Variants in INTS9 observed in about 807,000 individuals in gnomAD.
The protein encoded by INTS9 is protein related to CPSF subunits of 74 kDa.
INTS9 carries 55 observed loss-of-function variants against 79.7 expected under a neutral mutation model. That is an observed-to-expected ratio of 0.69 (90% CI 0.56 to 0.86). The LOEUF (loss-of-function observed/expected upper bound fraction) is 0.86, where lower values mean the gene tolerates loss of function less well. Ranked by LOEUF, INTS9 falls within the 40% of genes least tolerant of loss-of-function variation. The pLI, the probability that INTS9 is intolerant of heterozygous loss-of-function variation, is 0.00. For missense variants in INTS9, 721 were observed against 831.5 expected, an observed-to-expected ratio of 0.87 and a Z score of 1.64; for synonymous variants, 319 against 325.2, an observed-to-expected ratio of 0.98 and a Z score of 0.20.
intron 1 of INTS9, among the ~76,000 whole-genome samples, chr8:28,865,259 T>A (rs4732889): frequency 0.47 from 71,580 of 151,054 alleles, 17,770 homozygotes; most frequent in Non-Finnish European, 0.56. Flanking sequence ...AATTTTATTT[T>A]AAAAAAAACA....
Position 28,846,984 on chromosome 8 carries a change from G to T in INTS9, c.199-175C>A, listed in dbSNP as rs9772067. Among the ~76,000 whole-genome samples, 1,170 of 152,286 alleles carry T rather than the reference G, an allele frequency of 7.7e-3. 17 individuals carry two copies. The highest frequency in any genetic ancestry group is 0.027 in the African/African-American group (1,123 of 41,548). ...ATGTTTAGGCTTAGGCAGGCCAAGT[G>T]TCTTATTAAGGGTAAAATGCTGTTT... On this transcript the variant is annotated intron_variant, in intron 3 of 16. Coordinates refer to ENST00000521022, the MANE Select transcript of INTS9 (RefSeq NM_018250.4).
intron 4 of INTS9, among the ~76,000 whole-genome samples, chr8:28,845,240 A>G (rs1345134922): frequency 6.6e-6 from 1 of 152,232 alleles, no homozygotes; most frequent in African/African-American, 2.4e-5. Context: ...ACTAGTTTGT[A>G]AATTTCATGA....
In INTS9 at chr8:28,859,519, T is replaced by C; in HGVS notation, c.54A>G (p.Lys18=). The C allele has an allele frequency of 1.2e-6, 2 of 1,614,138 alleles. No homozygotes were observed. The highest frequency in any genetic ancestry group is 1.1e-5 in the South Asian group (1 of 91,086). The part of the protein sequence containing the change: ...GHPTLPCNVL[K]FKSTTIMLDC... ...CCAACATAATGGTGGTTGATTTGAA[T>C]TTGAGCACATTGCATGGTAAGGTTG... The change falls in exon 2 of 17, where the codon AAA becomes AAG. Residue 18 remains lysine (K), a synonymous_variant. Transcript: ENST00000521022.
At chr8:28,816,155 A>G (rs138553086) in intron 6 of INTS9, among the ~76,000 whole-genome samples, 3 of 151,724 alleles carry the variant, frequency 2.0e-5, no homozygotes, top group Admixed American at 2.0e-4. Flanking sequence ...TTTTTTAAAA[A>G]TTTTATTATT....
chr8:28,876,557 A>C (rs1183233526), intron 1 of INTS9, among the ~76,000 whole-genome samples: 2 of 152,222 alleles, frequency 1.3e-5, no homozygotes, highest in Non-Finnish European at 2.9e-5. Flanking sequence ...AGTCAGTATC[A>C]CAGTCACCTG....
intron 9 of INTS9, 85 bp downstream of exon 9, chr8:28,796,459 C>T: frequency 5.2e-6 from 4 of 765,146 alleles, no homozygotes; most frequent in South Asian, 5.2e-5. Context: ...CACTCCTTCC[C>T]CCATTATTGT....
In INTS9 at chr8:28,777,873, G is replaced by C; in HGVS notation, c.1351C>G (p.Arg451Gly). The change falls in exon 13 of 17, where the codon CGG becomes GGG. Residue 451 changes from arginine (R) to glycine (G), a missense_variant. Coordinates refer to ENST00000521022, the MANE Select transcript of INTS9 (RefSeq NM_018250.4). Reference protein sequence around the residue: ...MKCIYCPIDTRLNFIQVSKLL... With the variant: ...MKCIYCPIDTGLNFIQVSKLL... Reference sequence around the variant, plus strand: ...TTTGACACCTGGATGAAGTTCAGCCGGGTGTCGATGGGGCAGTAGATGCAT... The same window carrying C: ...TTTGACACCTGGATGAAGTTCAGCCCGGTGTCGATGGGGCAGTAGATGCAT... 6.2e-7 allele frequency: 1 copy of C among 1,612,476 alleles called. No individual in the cohort carries two copies. The highest frequency in any genetic ancestry group is 8.5e-7 in the Non-Finnish European group (1 of 1,179,246).
At chr8:28,796,998 T>A (rs1288677151) in intron 8 of INTS9, 2 of 190,524 alleles carry the variant, frequency 1.0e-5, no homozygotes, top group Non-Finnish European at 2.2e-5. Flanking sequence ...ATTTCTGTAA[T>A]GCTTTCTTCT....
chr8:28,875,382 A>C (rs1809325950), intron 1 of INTS9, among the ~76,000 whole-genome samples: 1 of 152,234 alleles, frequency 6.6e-6, no homozygotes, highest in Non-Finnish European at 1.5e-5. Flanking sequence ...TCTACTTGTA[A>C]TAACACATAA....
Position 28,775,785 on chromosome 8 carries a change from A to G in INTS9, c.1537T>C (p.Tyr513His). 6.2e-7 allele frequency: 1 copy of G among 1,613,998 alleles called. No individual in the cohort carries two copies. The highest frequency in any genetic ancestry group is 8.5e-7 in the Non-Finnish European group (1 of 1,179,962). ...EVLALPFKRR[Y>H]EKIEIMPELA... ...TCTGGCATGATCTCGATCTTCTCGT[A>G]CCGACGTTTGAAGGGCAGGGCGAGA... Residue 513 changes from tyrosine (Y) to histidine (H), a missense_variant, in exon 14 of 17, where the codon TAC becomes CAC. Physicochemically the swap from Tyr to His is moderately conservative, Grantham distance 83. Transcript: ENST00000521022.
Position 28,769,901 on chromosome 8 carries a change from C to T in INTS9, c.1788G>A (p.Gln596=), listed in dbSNP as rs1332906595. The change falls in exon 16 of 17, where the codon CAG becomes CAA. Residue 596 remains glutamine, a synonymous_variant. Coordinates refer to ENST00000521022, the MANE Select transcript of INTS9 (RefSeq NM_018250.4). ...SGSIPVEQFV[Q]TLEKHGFSDI... ...GAAACCAGCTCACCTTCTCCAGGGT[C>T]TGCACGAACTGCTCCACAGGGATGG... is the stretch of plus-strand genomic sequence containing the variant. 3 of 1,614,038 alleles carry T rather than the reference C, an allele frequency of 1.9e-6. No individual in the cohort carries two copies. The highest frequency in any genetic ancestry group is 2.5e-6 in the Non-Finnish European group (3 of 1,180,004).
chr8:28,881,414 C>G (rs1347138379), intron 1 of INTS9, among the ~76,000 whole-genome samples: 1 of 49,178 alleles, frequency 2.0e-5, no homozygotes, highest in Admixed American at 2.0e-4. Flanking sequence ...AGCCGCCCCG[C>G]CCGGGAGGGA....
intron 6 of INTS9, among the ~76,000 whole-genome samples, chr8:28,833,069 A>T (rs533679374): frequency 9.5e-4 from 144 of 152,352 alleles, no homozygotes; most frequent in African/African-American, 3.4e-3. Flanking sequence ...TTACATAAGT[A>T]AAATAAATAA....
intron 6 of INTS9, among the ~76,000 whole-genome samples, chr8:28,831,323 G>A (rs1247981562): frequency 1.3e-5 from 2 of 152,168 alleles, no homozygotes; most frequent in South Asian, 2.1e-4. Flanking sequence ...GCGGGGGAAG[G>A]GGGAGCATTG....
chr8:28,826,896 G>A (rs1456400651), intron 6 of INTS9, among the ~76,000 whole-genome samples: 1 of 152,158 alleles, frequency 6.6e-6, no homozygotes, highest in Non-Finnish European at 1.5e-5. Flanking sequence ...AGTAAGTGAA[G>A]TTCTCTGAAT....
intron 9 of INTS9, among the ~76,000 whole-genome samples, chr8:28,795,639 CAAAAAAAAA>C (rs56910832): frequency 4.2e-5 from 3 of 70,830 alleles, no homozygotes; most frequent in East Asian, 4.6e-4. Context: ...GACTCCGTCT[CAAAAAAAAA>C]AAAAAAAAAA....
intron 3 of INTS9, among the ~76,000 whole-genome samples, chr8:28,847,891 A>T (rs752889228): frequency 1.3e-5 from 2 of 152,262 alleles, no homozygotes; most frequent in Non-Finnish European, 2.9e-5. Context: ...GCTCTGAGTT[A>T]TCCCACTGAG....
intron 1 of INTS9, among the ~76,000 whole-genome samples, chr8:28,885,396 T>C (rs1238662397): frequency 6.6e-6 from 1 of 152,208 alleles, no homozygotes; most frequent in African/African-American, 2.4e-5. Flanking sequence ...TTAACATTAA[T>C]CTTAAAGTCA....
chr8:28,878,495 G>GT (rs897038120), intron 1 of INTS9, among the ~76,000 whole-genome samples: 3 of 150,422 alleles, frequency 2.0e-5, no homozygotes, highest in Non-Finnish European at 4.4e-5. Flanking sequence ...AAAAAAAATT[G>GT]TTTTTTTGTA....
Sources: gnomAD v4.1 joint callset for allele counts (sites outside exome capture counted in the v4.1 genomes callset) on GRCh38, gnomAD v4.1.1 for gene constraint, MANE v1.5 for transcripts, NCBI Gene and HGNC (gene_info 2026-07-23, HGNC 2026-07-21) for gene names.